The following DCX variants were observed in gnomAD, a reference collection of about 807,000 sequenced individuals.
The protein encoded by DCX is neuronal migration protein doublecortin.
Under a neutral mutation model 20.9 loss-of-function variants are expected in DCX, and 4 were observed. The ratio of observed to expected loss-of-function variants is 0.19; its 90% CI spans 0.09 to 0.44. The LOEUF is 0.44. Ranked by LOEUF, DCX falls within the 20% of genes least tolerant of loss-of-function variation. The pLI, the probability that DCX is intolerant of heterozygous loss-of-function variation, is 0.99. For missense variants in DCX, 133 were observed against 296.9 expected, an observed-to-expected ratio of 0.45 and a Z score of 4.06; for synonymous variants, 103 against 111.4, an observed-to-expected ratio of 0.92 and a Z score of 0.47.
chrX:111,329,805 C>G (rs1025791107), intron 5 of DCX, among the ~76,000 whole-genome samples: 5 of 112,104 alleles, frequency 4.5e-5, no homozygotes, highest in Non-Finnish European at 9.4e-5. Flanking sequence ...CATCTTGGCA[C>G]CAGCATTTCA....
chrX:111,367,888 CT>C (rs1924753515), intron 3 of DCX, among the ~76,000 whole-genome samples: 4 of 111,541 alleles, frequency 3.6e-5, no homozygotes, highest in African/African-American at 9.8e-5. Context: ...GTGGTGGGCC[CT>C]TTTTCCCCCA....
intron 3 of DCX, among the ~76,000 whole-genome samples, chrX:111,375,130 T>A (rs1190687887): frequency 9.5e-6 from 1 of 105,632 alleles, no homozygotes. Flanking sequence ...GGAGGGTGCA[T>A]GTGACTATAA....
chrX:111,343,797 C>A (rs780367565), intron 3 of DCX, among the ~76,000 whole-genome samples: 3 of 111,238 alleles, frequency 2.7e-5, no homozygotes, highest in South Asian at 3.8e-4. Flanking sequence ...GCCTGGCCAA[C>A]ATGGTGAAAC....
chrX:111,404,873 A>C (rs192453177), intron 2 of DCX, among the ~76,000 whole-genome samples: 1 of 112,468 alleles, frequency 8.9e-6, no homozygotes, highest in East Asian at 2.8e-4. Context: ...TGCCTCCTGC[A>C]CTTCCTGCTG....
intron 4 of DCX, 77 bp downstream of exon 4, chrX:111,332,974 C>A (rs1921390287): frequency 2.6e-6 from 2 of 762,598 alleles, no homozygotes; most frequent in Admixed American, 4.8e-5. Context: ...TTTTCCACAC[C>A]ATACAAACCC....
At position 111,296,765 on chromosome X, in the gene DCX, C is replaced by CA. The variant is rs748055520; in HGVS notation, c.*4921dup. ...CCTAGGTGACAGAGGGAGACTCAGT[C>CA]AAAAAAAAAAAAAAAAAAAAGTTAG... On this transcript the variant is annotated 3_prime_UTR_variant, in exon 7 of 7. Transcript: ENST00000636035. The CA allele has an allele frequency of 0.11, 4,259 of 37,405 alleles. 343 individuals are homozygous for CA. The highest frequency in any genetic ancestry group is 0.28 in the African/African-American group (3,207 of 11,654). 3.1% of individuals were successfully genotyped at this position (37,405 alleles called of 1,213,427 possible).
chrX:111,377,408 C>G (rs1161082506), intron 3 of DCX, among the ~76,000 whole-genome samples: 1 of 111,690 alleles, frequency 9.0e-6, no homozygotes, highest in East Asian at 2.8e-4. Flanking sequence ...ACTCCAAACA[C>G]TGAAAGCATT....
intron 3 of DCX, among the ~76,000 whole-genome samples, chrX:111,368,700 T>G (rs1311466261): frequency 1.8e-5 from 2 of 111,086 alleles, no homozygotes; most frequent in Non-Finnish European, 3.8e-5. Context: ...TCTTTCTCTG[T>G]CAGTCAGAGC....
intron 3 of DCX, among the ~76,000 whole-genome samples, chrX:111,337,020 C>T (rs1235243704): frequency 1.8e-5 from 2 of 111,877 alleles, no homozygotes; most frequent in African/African-American, 3.3e-5. Context: ...AAATGAAACT[C>T]ACACTCACTT....
At chrX:111,341,241 T>G (rs1247002757) in intron 3 of DCX, among the ~76,000 whole-genome samples, 2 of 108,440 alleles carry the variant, frequency 1.8e-5, no homozygotes, top group Non-Finnish European at 3.8e-5. Flanking sequence ...CAAATATTAA[T>G]AGCCGACTCG....
intron 5 of DCX, among the ~76,000 whole-genome samples, chrX:111,329,819 C>A (rs911688305): frequency 8.9e-6 from 1 of 112,185 alleles, no homozygotes; most frequent in Non-Finnish European, 1.9e-5. Flanking sequence ...CATTTCATAG[C>A]CATCAGGCTA....
intron 3 of DCX, among the ~76,000 whole-genome samples, chrX:111,391,404 CAGAT>C (rs1327905341): frequency 3.6e-5 from 4 of 111,473 alleles, no homozygotes; most frequent in South Asian, 7.7e-4. Context: ...TTACCAGTCT[CAGAT>C]AGTTCTTTAT....
chrX:111,359,403 T>C (rs1467724522), intron 3 of DCX, among the ~76,000 whole-genome samples: 1 of 111,780 alleles, frequency 8.9e-6, no homozygotes, highest in Non-Finnish European at 1.9e-5. Context: ...AAAATAGAGA[T>C]AAGCATAATA....
intron 5 of DCX, 42 bp downstream of exon 5, chrX:111,330,862 A>G (rs376771451): frequency 3.3e-6 from 4 of 1,207,083 alleles, no homozygotes; most frequent in Middle Eastern, 4.6e-4. Flanking sequence ...ATTGTCCTCC[A>G]TAAATGAAGT....
intron 6 of DCX, among the ~76,000 whole-genome samples, chrX:111,310,623 T>C (rs1466921691): frequency 1.8e-5 from 2 of 112,118 alleles, no homozygotes; most frequent in Non-Finnish European, 3.8e-5. Context: ...ATTTAAAAGC[T>C]TGCTCTAGAA....
At chrX:111,373,051 C>CAATGA (rs200014473) in intron 3 of DCX, among the ~76,000 whole-genome samples, 8,994 of 107,702 alleles carry the variant, frequency 0.084, 503 homozygotes, top group African/African-American at 0.17. Flanking sequence ...GCTGATAACA[C>CAATGA]AATGAAATGA....
In DCX at chrX:111,386,274, G is replaced by A. The variant is rs763502189; in HGVS notation, c.705+14716C>T. Among the ~76,000 whole-genome samples the A allele has an allele frequency of 5.8e-4, 64 of 111,078 alleles. 2 individuals carry two copies. The highest frequency in any genetic ancestry group is 1.1e-3 in the African/African-American group (35 of 30,525). ...GGAGTAGCCAACCTCCATACCGCTC[G>A]GTGAACTGAACCACAGCCAGCGCTG... On this transcript the variant is annotated intron_variant, in intron 3 of 6. Transcript: ENST00000636035.
chrX:111,379,945 G>A (rs1018266293), intron 3 of DCX, among the ~76,000 whole-genome samples: 8 of 111,284 alleles, frequency 7.2e-5, no homozygotes, highest in African/African-American at 2.6e-4. Context: ...TTTACCTCAT[G>A]GCTAATTATG....
intron 3 of DCX, among the ~76,000 whole-genome samples, chrX:111,361,429 C>G (rs751039922): frequency 6.6e-4 from 74 of 112,080 alleles, no homozygotes; most frequent in African/African-American, 2.4e-3. Context: ...AAAGTTTACT[C>G]TTTAGCCTCA....
Sources: allele counts gnomAD v4.1 joint callset (sites outside exome capture counted in the v4.1 genomes callset), GRCh38; gene constraint gnomAD v4.1.1; transcripts MANE v1.5; gene names NCBI Gene and HGNC (gene_info 2026-07-23, HGNC 2026-07-21).